Variants in CLASRP observed in about 807,000 individuals in gnomAD.
CLASRP encodes CLK4 associating serine/arginine rich protein.
A neutral mutation model predicts 99.9 loss-of-function variants in CLASRP; 52 were observed. The ratio of observed to expected loss-of-function variants is 0.52; its 90% CI spans 0.42 to 0.66. CLASRP has a LOEUF of 0.66. Among genes scored for constraint, CLASRP ranks in the 30% least tolerant of loss-of-function variants. CLASRP has a pLI of 0.00. For synonymous variants in CLASRP, 379 were observed against 373.0 expected, an observed-to-expected ratio of 1.02 and a Z score of -0.18; for missense variants, 848 against 999.2, an observed-to-expected ratio of 0.85 and a Z score of 2.04.
chr19:45,065,378 G>T (rs537914435), intron 13 of CLASRP, among the ~76,000 whole-genome samples: 86 of 128,416 alleles, frequency 6.7e-4, no homozygotes, highest in African/African-American at 2.5e-3. Flanking sequence ...GACAGAGTGA[G>T]ATTCCGTCTC....
chr19:45,069,818 C>T, intron 18 of CLASRP: 1 of 568,256 alleles, frequency 1.8e-6, no homozygotes, highest in South Asian at 2.1e-5. Context: ...CCCAGGCTTT[C>T]CTAGGAAGGG....
chr19:45,046,686 C>T (rs1429602972), intron 2 of CLASRP, among the ~76,000 whole-genome samples: 1 of 152,244 alleles, frequency 6.6e-6, no homozygotes, highest in Non-Finnish European at 1.5e-5. Context: ...ACTTCATGAA[C>T]TCCTCTGACA....
At position 45,057,647 on chromosome 19, in the gene CLASRP, C is replaced by T. The variant is rs982733809; in HGVS notation, c.465-103C>T. ...AGAGGGTCCTAGGCTGAGGGAGAGCCTGAGGGGAGGGGGCCGTGGCACTCG... is the reference window on the plus strand; with the variant it reads ...AGAGGGTCCTAGGCTGAGGGAGAGCTTGAGGGGAGGGGGCCGTGGCACTCG... On this transcript the variant is annotated intron_variant, in intron 6 of 20. Coordinates refer to ENST00000221455, the MANE Select transcript of CLASRP (RefSeq NM_007056.3). 11 of 1,368,190 alleles carry T rather than the reference C, an allele frequency of 8.0e-6. No individual in the cohort carries two copies. The African/African-American group carries it at 1.0e-4, about 13-fold the overall frequency. The allele number at this position is 1,368,190 out of a possible 1,614,324, so 84.8% of individuals were successfully genotyped here.
At chr19:45,062,928 G>A (rs760230828) in intron 11 of CLASRP, among the ~76,000 whole-genome samples, 162 of 152,220 alleles carry the variant, frequency 1.1e-3, no homozygotes, top group South Asian at 1.5e-3. Context: ...ACCAAGCTCA[G>A]TCTGATCCCA....
Position 45,060,501 on chromosome 19 carries a change from G to C in CLASRP, c.789+34G>C. Reference sequence around the variant, plus strand: ...TGGGCTGGAGTGGAAGGGGACAGGGGTGTGTCACAGGGAGGGCACCCCCTC... The same window carrying C: ...TGGGCTGGAGTGGAAGGGGACAGGGCTGTGTCACAGGGAGGGCACCCCCTC... On this transcript the variant is annotated intron_variant, in intron 9 of 20. Transcript: ENST00000221455. The surrounding 1 kb of genome is among the most constrained non-coding windows in gnomAD (Gnocchi z 4.6). The C allele has an allele frequency of 1.9e-6, 3 of 1,613,634 alleles. No homozygotes were observed. The South Asian group carries it at 3.3e-5, about 18-fold the overall frequency.
At chr19:45,053,841 G>A (rs1972072334) in intron 5 of CLASRP, among the ~76,000 whole-genome samples, 1 of 152,130 alleles carries the variant, frequency 6.6e-6, no homozygotes, top group Non-Finnish European at 1.5e-5. Flanking sequence ...AGGCTGGTCT[G>A]AACTCCTGGG....
intron 2 of CLASRP, among the ~76,000 whole-genome samples, chr19:45,045,273 C>T (rs935465027): frequency 2.0e-5 from 3 of 152,106 alleles, no homozygotes; most frequent in Admixed American, 6.5e-5. Flanking sequence ...CCCAGCACTT[C>T]GGGAGGCCGA....
chr19:45,063,436 CTTTTT>C (rs565600159), intron 11 of CLASRP, among the ~76,000 whole-genome samples: 310 of 42,326 alleles, frequency 7.3e-3, no homozygotes, highest in East Asian at 0.011. Context: ...ATCTGCTTAT[CTTTTT>C]TTTTTTTTTT....
rs1430729049 is a variant in CLASRP, at chr19:45,064,686, C to T, written c.1409+56C>T. ...GGCTGGGGGGGCGCGGTCTCCGATC[C>T]TGGGGAGAAGGTGCTCAGAGGGAGG... On this transcript the variant is annotated intron_variant, in intron 13 of 20. Coordinates refer to ENST00000221455, the MANE Select transcript of CLASRP (RefSeq NM_007056.3). The T allele has an allele frequency of 2.0e-6, 3 of 1,485,334 alleles. No individual in the cohort carries two copies. In the Admixed American group the frequency reaches 6.5e-5, roughly 32 times the overall value. 92.0% of individuals were successfully genotyped at this position (1,485,334 alleles called of 1,614,324 possible). A position where few individuals can be genotyped will look rare whatever the true frequency, so the allele number is the denominator to read the frequency against.
At chr19:45,048,922 G>C (rs1971971672) in intron 2 of CLASRP, among the ~76,000 whole-genome samples, 1 of 152,070 alleles carries the variant, frequency 6.6e-6, no homozygotes. Context: ...GGAGGCAGAG[G>C]TTGCAGTGAG....
rs774295247 is a variant in CLASRP at position 45,060,537 on chromosome 19, C to T, written c.790-17C>T. 2 of 1,613,682 alleles carry T rather than the reference C, an allele frequency of 1.2e-6. No homozygotes were observed. The highest frequency in any genetic ancestry group is 1.7e-5 in the Admixed American group (1 of 59,980). ...GGAGGGCACCCCCTCACCAACCTGG[C>T]ACCCACCCTACTCCAGGGACGCCGC... On this transcript the variant is annotated splice_polypyrimidine_tract_variant and intron_variant, in intron 9 of 20. Coordinates refer to ENST00000221455, the MANE Select transcript of CLASRP (RefSeq NM_007056.3). The surrounding 1 kb of genome is among the most constrained non-coding windows in gnomAD (Gnocchi z 4.6).
At position 45,058,227 on chromosome 19, in the gene CLASRP, T is replaced by C. The variant is rs575254074; in HGVS notation, c.613+329T>C. 37 of 335,914 alleles carry C rather than the reference T, an allele frequency of 1.1e-4. No homozygotes were observed. The Admixed American group carries it at 1.4e-3, about 12-fold the overall frequency. 20.8% of individuals were successfully genotyped at this position (335,914 alleles called of 1,614,324 possible). A position where few individuals can be genotyped will look rare whatever the true frequency, so the allele number is the denominator to read the frequency against. ...TCTCTTCCCTCCTCTGGAAAACAAG[T>C]GTTCATCCTCTTACAGAGTCAGCCC... On this transcript the variant is annotated intron_variant, in intron 7 of 20. Coordinates refer to ENST00000221455, the MANE Select transcript of CLASRP (RefSeq NM_007056.3).
intron 2 of CLASRP, among the ~76,000 whole-genome samples, chr19:45,041,434 G>C (rs1201302943): frequency 6.6e-6 from 1 of 151,388 alleles, no homozygotes. Flanking sequence ...ACAGGGCTTT[G>C]GCCTATATTA....
At chr19:45,064,705 A>AG in intron 13 of CLASRP, 75 bp downstream of exon 13, 1 of 1,465,928 alleles carries the variant, frequency 6.8e-7, no homozygotes, top group Non-Finnish European at 9.0e-7. Context: ...AGGTGCTCAG[A>AG]GGGAGGAAAC....
chr19:45,058,674 C>T lies in CLASRP; in HGVS notation c.614-594C>T, dbSNP rs141776189. 2.8e-3 allele frequency among the ~76,000 whole-genome samples: 426 copies of T among 152,196 alleles called. 1 individual carries two copies. Among genetic ancestry groups the T allele is most frequent in the African/African-American group, 1.0e-2 (414 of 41,504 alleles). ...TGCTGGGATTACAGACGTGAGCCAC[C>T]GCGCTCAGCCCAGTAGCTGGCTCTT... is the stretch of plus-strand genomic sequence containing the variant. On this transcript the variant is annotated intron_variant, in intron 7 of 20. Transcript: ENST00000221455.
chr19:45,065,363 C>CT (rs1967059682), intron 13 of CLASRP, among the ~76,000 whole-genome samples: 1 of 142,616 alleles, frequency 7.0e-6, no homozygotes, highest in Non-Finnish European at 1.5e-5. Context: ...GCACTCTAGC[C>CT]TGGTGACAGA....
chr19:45,069,274 A>G lies in CLASRP; in HGVS notation c.1874+26A>G, dbSNP rs555439399. ...GTAAGACCTTGCCCCTCCCTGTCCC[A>G]TGGCCACACCTCCTGGCCTGCCTGG... On this transcript the variant is annotated intron_variant, in intron 18 of 20. Transcript: ENST00000221455. 3.1e-6 allele frequency: 5 copies of G among 1,611,270 alleles called. No homozygotes were observed. In the East Asian group the frequency reaches 6.7e-5, roughly 22 times the overall value.
intron 16 of CLASRP, 121 bp from the exon 17 acceptor site, chr19:45,068,945 A>C (rs1967164680): frequency 1.1e-6 from 1 of 899,442 alleles, no homozygotes; most frequent in Admixed American, 2.1e-5. Context: ...AGCCAAGATC[A>C]CGCCACTGCA....
chr19:45,051,977 AAG>A, intron 2 of CLASRP, 92 bp from the exon 3 acceptor site: 4 of 941,136 alleles, frequency 4.3e-6, no homozygotes, highest in Non-Finnish European at 4.9e-6. Context: ...CAAAAAAAAA[AAG>A]AAGTGAGCTT....
Sources: allele counts gnomAD v4.1 joint callset (sites outside exome capture counted in the v4.1 genomes callset), GRCh38; gene constraint gnomAD v4.1.1; non-coding constraint Gnocchi (gnomAD v3.1); transcripts MANE v1.5; gene names NCBI Gene and HGNC (gene_info 2026-07-23, HGNC 2026-07-21).